SLC24A2: variants seen among roughly 807,000 people sequenced by gnomAD.
SLC24A2 encodes the protein solute carrier family 24 member 2.
Under a neutral mutation model 62.0 loss-of-function variants are expected in SLC24A2, and 36 were observed. The observed-to-expected ratio is 0.58, with a 90% CI of 0.44 to 0.77. The LOEUF (loss-of-function observed/expected upper bound fraction) is 0.77, where lower values mean the gene tolerates loss of function less well. Among genes scored for constraint, SLC24A2 ranks in the 30% least tolerant of loss-of-function variants. SLC24A2 has a pLI of 0.00. For missense variants in SLC24A2, 846 were observed against 817.9 expected, an observed-to-expected ratio of 1.03 and a Z score of -0.42; for synonymous variants, 358 against 294.0, an observed-to-expected ratio of 1.22 and a Z score of -2.23.
chr9:19,710,031 G>T (rs1820667516), intron 2 of SLC24A2, among the ~76,000 whole-genome samples: 1 of 152,160 alleles, frequency 6.6e-6, no homozygotes. Context: ...CAAAAGCAGT[G>T]CCCCTTTTCA....
At chr9:19,839,239 C>T in the SLC24A2 span, among the ~76,000 whole-genome samples, 29 of 152,290 alleles carry the variant, frequency 1.9e-4, no homozygotes, top group African/African-American at 6.7e-4. Flanking sequence ...AGTCAGGAAA[C>T]AACAGGTGCT....
At chr9:20,220,032 T>C in the SLC24A2 span, among the ~76,000 whole-genome samples, 19 of 152,154 alleles carry the variant, frequency 1.2e-4, no homozygotes, top group Non-Finnish European at 2.2e-4. Flanking sequence ...ATAAGTGTAA[T>C]TTATTATTCC....
rs1300580350 is a variant in SLC24A2, at chr9:19,530,886, A to C, written c.1480-2748T>G. ...AGATCCTGAACTAGAGATAAAATTC[A>C]AACTAGGTCAGCCTGACTGTACCAC... On this transcript the variant is annotated intron_variant, in intron 8 of 10. Coordinates refer to ENST00000341998, the MANE Select transcript of SLC24A2 (RefSeq NM_020344.4). Among the ~76,000 whole-genome samples, 13 of 152,320 alleles carry C rather than the reference A, an allele frequency of 8.5e-5. No homozygotes were observed. The East Asian group carries it at 2.5e-3, about 29-fold the overall frequency.
intron 2 of SLC24A2, among the ~76,000 whole-genome samples, chr9:19,741,222 C>A (rs1821667258): frequency 6.6e-6 from 1 of 152,166 alleles, no homozygotes; most frequent in African/African-American, 2.4e-5. Flanking sequence ...CTTTGTGACA[C>A]TTGAGAGGAT....
At chr9:19,870,191 TC>T in the SLC24A2 span, among the ~76,000 whole-genome samples, 2 of 152,128 alleles carry the variant, frequency 1.3e-5, no homozygotes, top group Non-Finnish European at 2.9e-5. Context: ...CATTTTTCCC[TC>T]CCCTTAGTTT....
the SLC24A2 span, among the ~76,000 whole-genome samples, chr9:20,174,295 A>T: frequency 2.6e-5 from 4 of 152,246 alleles, no homozygotes; most frequent in South Asian, 8.3e-4. Flanking sequence ...TTAGGCAAGG[A>T]TTTCATGACC....
chr9:20,131,971 G>T, the SLC24A2 span, among the ~76,000 whole-genome samples: 2,205 of 152,212 alleles, frequency 0.014, 72 homozygotes, highest in African/African-American at 0.05. Context: ...AAGTGTAATT[G>T]TTGTGCTACA....
chr9:20,281,751 T>C, the SLC24A2 span, among the ~76,000 whole-genome samples: 1 of 152,346 alleles, frequency 6.6e-6, no homozygotes, highest in South Asian at 2.1e-4. Context: ...TGTCAATTTT[T>C]AGCTATTACA....
the SLC24A2 span, among the ~76,000 whole-genome samples, chr9:20,202,094 T>TGTGTGTGTGTGTGTG: frequency 6.8e-6 from 1 of 146,698 alleles, no homozygotes; most frequent in Admixed American, 6.8e-5. Context: ...TGTGTGTGTG[T>TGTGTGTGTGTGTGTG]TCACACTCTA....
chr9:20,036,511 G>A, the SLC24A2 span, among the ~76,000 whole-genome samples: 2 of 152,000 alleles, frequency 1.3e-5, no homozygotes, highest in Non-Finnish European at 2.9e-5. Context: ...CCCAGTCTTC[G>A]GTAACTACCA....
the SLC24A2 span, among the ~76,000 whole-genome samples, chr9:20,209,933 T>C: frequency 2.0e-5 from 3 of 152,214 alleles, no homozygotes; most frequent in Non-Finnish European, 2.9e-5. Context: ...ACCTTGATCA[T>C]AAGGCCTTTC....
At chr9:19,722,681 A>C (rs770096998) in intron 2 of SLC24A2, among the ~76,000 whole-genome samples, 7 of 152,080 alleles carry the variant, frequency 4.6e-5, no homozygotes, top group Non-Finnish European at 7.4e-5. Context: ...CACGATATTC[A>C]ATCCCTATCT....
chr9:19,836,945 A>C, the SLC24A2 span, among the ~76,000 whole-genome samples: 1 of 152,226 alleles, frequency 6.6e-6, no homozygotes, highest in Non-Finnish European at 1.5e-5. Flanking sequence ...AATAAATGTA[A>C]TTCAGCATAT....
chr9:19,754,770 T>C (rs926129458), intron 2 of SLC24A2, among the ~76,000 whole-genome samples: 3 of 151,990 alleles, frequency 2.0e-5, no homozygotes, highest in Admixed American at 6.6e-5. Flanking sequence ...GAACCAAAAC[T>C]GTGCCAAAAT....
At chr9:19,850,985 GTA>G in the SLC24A2 span, among the ~76,000 whole-genome samples, 169 of 19,232 alleles carry the variant, frequency 8.8e-3, 13 homozygotes, top group African/African-American at 0.026. Context: ...ATATATATAT[GTA>G]TATATATATA....
chr9:19,567,363 A>C (rs935487330), intron 7 of SLC24A2, among the ~76,000 whole-genome samples: 7 of 151,428 alleles, frequency 4.6e-5, no homozygotes, highest in African/African-American at 1.2e-4. Context: ...TGGCTAACAC[A>C]ATGAAACCCT....
At chr9:20,263,476 T>C in the SLC24A2 span, among the ~76,000 whole-genome samples, 1 of 152,110 alleles carries the variant, frequency 6.6e-6, no homozygotes, top group Non-Finnish European at 1.5e-5. Context: ...CTCAAACTCC[T>C]GGAATCAAGC....
chr9:20,220,535 C>T, the SLC24A2 span, among the ~76,000 whole-genome samples: 3 of 152,102 alleles, frequency 2.0e-5, no homozygotes, highest in Non-Finnish European at 2.9e-5. Flanking sequence ...ATGTATTTGT[C>T]AGGATTTGTT....
At chr9:19,992,942 C>T in the SLC24A2 span, among the ~76,000 whole-genome samples, 1 of 152,212 alleles carries the variant, frequency 6.6e-6, no homozygotes, top group Non-Finnish European at 1.5e-5. Flanking sequence ...CCTACCAAAA[C>T]ATCTAGTGCC....
Sources: allele counts gnomAD v4.1 joint callset (sites outside exome capture counted in the v4.1 genomes callset), GRCh38; gene constraint gnomAD v4.1.1; transcripts MANE v1.5; gene names NCBI Gene and HGNC (gene_info 2026-07-23, HGNC 2026-07-21).